The following AKR1B10 variants were observed in gnomAD, a reference collection of about 807,000 sequenced individuals.
The protein encoded by AKR1B10 is aldo-keto reductase family 1 member B10.
Under a neutral mutation model 38.9 loss-of-function variants are expected in AKR1B10, and 39 were observed. That is an observed-to-expected ratio of 1.00 (90% confidence interval 0.78 to 1.31). The LOEUF (loss-of-function observed/expected upper bound fraction) is 1.31. Among genes scored for constraint, AKR1B10 ranks in the 50% most tolerant of loss-of-function variants. The pLI is 0.00. For synonymous variants in AKR1B10, 148 were observed against 141.2 expected, an observed-to-expected ratio of 1.05 and a Z score of -0.34; for missense variants, 361 against 382.6, an observed-to-expected ratio of 0.94 and a Z score of 0.47.
rs755782533 is a variant in AKR1B10 at position 134,539,005 on chromosome 7, G to T, written c.896G>T (p.Cys299Phe). ...AGCTTCAACAGAAACTGGAGGGCCTGTAACGTGTTGCAGTAAGTGGCATGG... is the reference window on the plus strand; with the variant it reads ...AGCTTCAACAGAAACTGGAGGGCCTTTAACGTGTTGCAGTAAGTGGCATGG... ...ILSFNRNWRA[C>F]NVLQSSHLED... The change falls in exon 9 of 10, where the codon TGT (cysteine) becomes TTT (phenylalanine). Residue 299 changes from cysteine to phenylalanine, a missense_variant. This residue lies in a region of AKR1B10 where 132 missense variants were observed against 134.6 expected (regional missense o/e 0.98). Coordinates refer to ENST00000359579, the MANE Select transcript of AKR1B10 (RefSeq NM_020299.5). 8.2e-5 allele frequency: 132 copies of T among 1,613,734 alleles called. No individual in the cohort carries two copies. Among genetic ancestry groups the T allele is most frequent in the Non-Finnish European group, 9.4e-5 (111 of 1,179,620 alleles).
intron 3 of AKR1B10, 77 bp downstream of exon 3, chr7:134,532,101 GT>G (rs1240335592): frequency 1.1e-5 from 17 of 1,566,726 alleles, no homozygotes; most frequent in Non-Finnish European, 1.5e-5. Context: ...GGGCTGTGGG[GT>G]GGTGTGGACT....
At chr7:134,540,808 G>C (rs1195268029) in intron 9 of AKR1B10, among the ~76,000 whole-genome samples, 1 of 152,088 alleles carries the variant, frequency 6.6e-6, no homozygotes, top group East Asian at 1.9e-4. Context: ...CTTACTATGG[G>C]TTGTCATTAC....
intron 4 of AKR1B10, among the ~76,000 whole-genome samples, chr7:134,535,397 TGA>T (rs1807967873): frequency 6.6e-6 from 1 of 152,090 alleles, no homozygotes; most frequent in African/African-American, 2.4e-5. Flanking sequence ...CCCAAAGTGC[TGA>T]GATTACAGTC....
intron 2 of AKR1B10, 114 bp downstream of exon 2, chr7:134,530,924 T>G: frequency 1.5e-6 from 2 of 1,378,316 alleles, no homozygotes; most frequent in Non-Finnish European, 2.0e-6. Flanking sequence ...TTTTCATCTC[T>G]GCCTTGATAA....
chr7:134,533,317 G>T (rs909590484), intron 4 of AKR1B10, among the ~76,000 whole-genome samples: 1 of 152,104 alleles, frequency 6.6e-6, no homozygotes, highest in Non-Finnish European at 1.5e-5. Context: ...CCCCACTTTG[G>T]GGAATACACA....
chr7:134,538,318 G>A lies in AKR1B10; in HGVS notation c.825+41G>A, dbSNP rs776231576. Reference sequence around the variant, plus strand: ...GTCGGCCCTGGTATTCCTCAGTGGAGTGGGGGACAGGCAGACCTTCTCACT... The same window carrying A: ...GTCGGCCCTGGTATTCCTCAGTGGAATGGGGGACAGGCAGACCTTCTCACT... On this transcript the variant is annotated intron_variant, in intron 8 of 9. Transcript: ENST00000359579. The A allele has an allele frequency of 2.7e-5, 43 of 1,572,218 alleles. No homozygotes were observed. The East Asian group carries it at 9.6e-4, about 35-fold the overall frequency.
In AKR1B10 at chr7:134,527,734, T is replaced by C; in HGVS notation, c.-178T>C. The C allele has an allele frequency of 3.4e-6, 2 of 586,950 alleles. No homozygotes were observed. The highest frequency in any genetic ancestry group is 7.4e-5 in the East Asian group (2 of 27,158). 36.4% of individuals were successfully genotyped at this position (586,950 alleles called of 1,614,324 possible). ...CACGGTGGGCGCCTGTAATCCCAGC[T>C]ACTCGGGAGGCTGAGGCAGGAGAAT... On this transcript the variant is annotated 5_prime_UTR_variant, in exon 1 of 10. Transcript: ENST00000359579.
chr7:134,527,922 T>C lies in AKR1B10; in HGVS notation c.11T>C (p.Phe4Ser), dbSNP rs772692413. Residue 4 changes from phenylalanine to serine, a missense_variant, in exon 1 of 10, where the codon TTT (phenylalanine) becomes TCT (serine). Around this residue, in one of 3 missense-constraint regions of AKR1B10, gnomAD observed 220 missense variants for 216.1 expected, o/e 1.02. Transcript: ENST00000359579. MAT[F>S]VELSTKAKMP... Reference sequence around the variant, plus strand: ...ATTTCTGCACCAACCATGGCCACGTTTGTGGAGCTCAGTACCAAAGCCAAG... The same window carrying C: ...ATTTCTGCACCAACCATGGCCACGTCTGTGGAGCTCAGTACCAAAGCCAAG... 6.2e-6 allele frequency: 10 copies of C among 1,613,598 alleles called. No homozygotes were observed. In the South Asian group the frequency reaches 1.1e-4, roughly 18 times the overall value.
intron 9 of AKR1B10, 92 bp downstream of exon 9, chr7:134,539,109 A>C (rs1585758297): frequency 2.0e-6 from 3 of 1,491,368 alleles, no homozygotes; most frequent in East Asian, 4.6e-5. Flanking sequence ...TGCTGGGACT[A>C]CTTGTGTCTT....
chr7:134,528,069 G>T, intron 1 of AKR1B10, 92 bp downstream of exon 1: 1 of 1,514,712 alleles, frequency 6.6e-7, no homozygotes, highest in South Asian at 1.2e-5. Flanking sequence ...CCTGGAGGTC[G>T]GGCAGGGGTT....
In AKR1B10 at chr7:134,530,716, A is replaced by G. The variant is rs1477523518; in HGVS notation, c.140A>G (p.Tyr47Cys). Residue 47 changes from tyrosine to cysteine, a missense_variant, in exon 2 of 10, where the codon TAT becomes TGT. Coordinates refer to ENST00000359579, the MANE Select transcript of AKR1B10 (RefSeq NM_020299.5). ...DAGYRHIDCA[Y>C]VYQNEHEVGE... Reference sequence around the variant, plus strand: ...GGATATCGGCACATTGACTGTGCCTATGTCTATCAGAATGAACATGAAGTG... The same window carrying G: ...GGATATCGGCACATTGACTGTGCCTGTGTCTATCAGAATGAACATGAAGTG... 14 of 1,614,138 alleles carry G rather than the reference A, an allele frequency of 8.7e-6. No homozygotes were observed. The highest frequency in any genetic ancestry group is 1.1e-5 in the Non-Finnish European group (13 of 1,179,978).
rs1808032675 is a variant in AKR1B10, at chr7:134,537,095, C to T, written c.597C>T (p.Tyr199=). The part of the protein sequence containing the change: ...PYLTQEKLIQ[Y]CHSKGITVTA... ...TCACACAGGAGAAACTGATCCAGTA[C>T]TGCCACTCCAAGGGCATCACCGTTA... Residue 199 remains tyrosine, a synonymous_variant, in exon 6 of 10, where the codon TAC becomes TAT. Coordinates refer to ENST00000359579, the MANE Select transcript of AKR1B10 (RefSeq NM_020299.5). 1 of 1,594,746 alleles carries T rather than the reference C, an allele frequency of 6.3e-7. No individual in the cohort carries two copies. The highest frequency in any genetic ancestry group is 8.5e-7 in the Non-Finnish European group (1 of 1,170,218).
In AKR1B10 at chr7:134,530,095, C is replaced by T. The variant is rs543994414; in HGVS notation, c.67-548C>T. Reference sequence around the variant, plus strand: ...ATTGAATCACCTGCTTAGACCCACACACCCAGTAAGTGATCGAATCCAGAT... The same window carrying T: ...ATTGAATCACCTGCTTAGACCCACATACCCAGTAAGTGATCGAATCCAGAT... On this transcript the variant is annotated intron_variant, in intron 1 of 9. Coordinates refer to ENST00000359579, the MANE Select transcript of AKR1B10 (RefSeq NM_020299.5). Among the ~76,000 whole-genome samples the T allele has an allele frequency of 4.6e-5, 7 of 152,282 alleles. No homozygotes were observed. The South Asian group carries it at 8.3e-4, about 18-fold the overall frequency.
chr7:134,531,706 A>G (rs1453106047), intron 2 of AKR1B10, among the ~76,000 whole-genome samples: 1 of 152,194 alleles, frequency 6.6e-6, no homozygotes, highest in Non-Finnish European at 1.5e-5. Flanking sequence ...TGAAAAAGTC[A>G]ATTGCTTTTA....
chr7:134,532,053 A>T, intron 3 of AKR1B10, 29 bp downstream of exon 3: 1 of 1,613,418 alleles, frequency 6.2e-7, no homozygotes, highest in Middle Eastern at 1.7e-4. Flanking sequence ...CTCAGCCTCT[A>T]GTTTCTGAGC....
chr7:134,533,996 T>G (rs1359659802), intron 4 of AKR1B10, among the ~76,000 whole-genome samples: 1 of 152,224 alleles, frequency 6.6e-6, no homozygotes. Context: ...GAGTTTGTAT[T>G]GTGTTTTACA....
In AKR1B10 at chr7:134,538,392, C is replaced by T. The variant is rs922254821; in HGVS notation, c.825+115C>T. ...TTGTCTTTTGCCCCCTCCCTTCCCACCACCCTATCATTTTCCAGCCCAGGG... is the reference window on the plus strand; with the variant it reads ...TTGTCTTTTGCCCCCTCCCTTCCCATCACCCTATCATTTTCCAGCCCAGGG... On this transcript the variant is annotated intron_variant, in intron 8 of 9. Transcript: ENST00000359579. 3.8e-6 allele frequency: 4 copies of T among 1,041,220 alleles called. No individual in the cohort carries two copies. The South Asian group carries it at 4.3e-5, about 11-fold the overall frequency. 64.5% of individuals were successfully genotyped at this position (1,041,220 alleles called of 1,614,324 possible).
intron 4 of AKR1B10, among the ~76,000 whole-genome samples, chr7:134,533,539 T>C (rs866964736): frequency 6.6e-6 from 1 of 152,216 alleles, no homozygotes; most frequent in Non-Finnish European, 1.5e-5. Context: ...ACATTAGTCA[T>C]AAAGCCCATT....
chr7:134,539,114 T>A (rs1808086101), intron 9 of AKR1B10, 97 bp downstream of exon 9: 1 of 1,452,658 alleles, frequency 6.9e-7, no homozygotes, highest in East Asian at 2.3e-5. Flanking sequence ...GGACTACTTG[T>A]GTCTTCAAAT....
Sources: gnomAD v4.1 joint callset for allele counts (sites outside exome capture counted in the v4.1 genomes callset) on GRCh38, gnomAD v4.1.1 for gene constraint, gnomAD v4.1.1 regional missense constraint, MANE v1.5 for transcripts, NCBI Gene and HGNC (gene_info 2026-07-23, HGNC 2026-07-21) for gene names.